The following PRKAR1B variants were observed in gnomAD, a reference collection of about 807,000 sequenced individuals.
The protein encoded by PRKAR1B is protein kinase cAMP-dependent type I regulatory subunit beta.
PRKAR1B carries 22 observed loss-of-function variants against 46.5 expected under a neutral mutation model. The observed-to-expected ratio is 0.47, with a 90% CI of 0.34 to 0.68. PRKAR1B has a LOEUF of 0.68. Ranked by LOEUF, PRKAR1B falls within the 30% of genes least tolerant of loss-of-function variation. PRKAR1B has a pLI of 0.01. For missense variants in PRKAR1B, 445 were observed against 535.6 expected, an observed-to-expected ratio of 0.83 and a Z score of 1.67; for synonymous variants, 259 against 217.7, an observed-to-expected ratio of 1.19 and a Z score of -1.67.
At chr7:657,388 C>CATGGATGGATGGATGG (rs538399335) in intron 4 of PRKAR1B, among the ~76,000 whole-genome samples, 2 of 147,564 alleles carry the variant, frequency 1.4e-5, no homozygotes, top group Non-Finnish European at 3.0e-5. Flanking sequence ...TGAATGTGTG[C>CATGGATGGATGGATGG]ATGGATGGAT....
rs1778384834 is a variant in PRKAR1B, at chr7:677,252, A to T, written c.417T>A (p.Ala139=). The T allele has an allele frequency of 6.2e-7, 1 of 1,614,100 alleles. No individual in the cohort carries two copies. Among genetic ancestry groups the T allele is most frequent in the Non-Finnish European group, 8.5e-7 (1 of 1,180,040 alleles). The change falls in exon 4 of 11, where the codon GCT becomes GCA. Residue 139 remains alanine (A), a synonymous_variant. Transcript: ENST00000537384. ...ACCTCCTCTCGTTGTCATCCAGGTG[A>T]GCGAAGAGCACGTTCTTGGAGATGG... is the stretch of plus-strand genomic sequence containing the variant. ...AKAISKNVLF[A]HLDDNERSDI... is the part of the protein sequence containing the mutation.
intron 1 of PRKAR1B, chr7:726,705 C>T (rs1445598326): frequency 2.4e-6 from 3 of 1,237,390 alleles, no homozygotes; most frequent in South Asian, 3.8e-5. Context: ...CCTTAGTGAC[C>T]GGCGACGCGG....
chr7:628,332 G>A (rs902803210), intron 4 of PRKAR1B, among the ~76,000 whole-genome samples: 6 of 152,258 alleles, frequency 3.9e-5, no homozygotes, highest in African/African-American at 4.8e-5. Flanking sequence ...GAGCCAAGGC[G>A]AAGGCGGGCA....
chr7:570,688 C>A (rs1779454323), intron 9 of PRKAR1B, among the ~76,000 whole-genome samples: 1 of 152,230 alleles, frequency 6.6e-6, no homozygotes, highest in Non-Finnish European at 1.5e-5. Flanking sequence ...CAGCCCCCAA[C>A]TCCGGCCATT....
chr7:684,800 C>T (rs915078701), intron 2 of PRKAR1B, among the ~76,000 whole-genome samples: 6 of 152,018 alleles, frequency 3.9e-5, no homozygotes, highest in African/African-American at 1.2e-4. Context: ...AATCACCAAA[C>T]GTCCATCACC....
intron 2 of PRKAR1B, among the ~76,000 whole-genome samples, chr7:685,140 G>T (rs1778931214): frequency 6.7e-6 from 1 of 148,672 alleles, no homozygotes. Flanking sequence ...CATAACAGTA[G>T]GAAGATACAA....
intron 9 of PRKAR1B, among the ~76,000 whole-genome samples, chr7:553,650 G>T (rs1291133308): frequency 6.6e-6 from 1 of 152,204 alleles, no homozygotes; most frequent in African/African-American, 2.4e-5. Context: ...GGTGGGCTCG[G>T]TTCACCCTGG....
chr7:692,810 C>T (rs1651661532), intron 2 of PRKAR1B, among the ~76,000 whole-genome samples: 1 of 152,130 alleles, frequency 6.6e-6, no homozygotes, highest in African/African-American at 2.4e-5. Context: ...GGGCAAGAGG[C>T]AGGACAGCCC....
chr7:591,417 G>A (rs1457333093), intron 7 of PRKAR1B, among the ~76,000 whole-genome samples: 1 of 152,118 alleles, frequency 6.6e-6, no homozygotes, highest in African/African-American at 2.4e-5. Flanking sequence ...GGGAGGGCGG[G>A]GGCGCTAGAA....
At chr7:695,138 A>G (rs1374475183) in intron 2 of PRKAR1B, among the ~76,000 whole-genome samples, 1 of 152,164 alleles carries the variant, frequency 6.6e-6, no homozygotes, top group African/African-American at 2.4e-5. Context: ...CGCCATATAA[A>G]CTGTCATGAC....
chr7:594,762 A>C (rs1781174549), intron 7 of PRKAR1B, among the ~76,000 whole-genome samples: 1 of 151,170 alleles, frequency 6.6e-6, no homozygotes, highest in African/African-American at 2.4e-5. Flanking sequence ...CCATGAGGGG[A>C]CTCCCCCAGA....
intron 4 of PRKAR1B, among the ~76,000 whole-genome samples, chr7:652,048 G>A (rs112690596): frequency 0.037 from 3,555 of 95,332 alleles, 121 homozygotes; most frequent in South Asian, 0.085. Flanking sequence ...CCCACACAAC[G>A]CTAGGAACCT....
intron 9 of PRKAR1B, among the ~76,000 whole-genome samples, chr7:566,395 ACCACCACTTCCACCATCAT>A (rs1779140442): frequency 2.9e-4 from 1 of 3,504 alleles, no homozygotes; most frequent in Admixed American, 2.6e-3. Context: ...CACCACCATC[ACCACCACTTCCACCATCAT>A]TATCACCATC....
At chr7:584,960 C>G (rs1398583081) in intron 7 of PRKAR1B, among the ~76,000 whole-genome samples, 1 of 152,062 alleles carries the variant, frequency 6.6e-6, no homozygotes, top group Non-Finnish European at 1.5e-5. Flanking sequence ...CACAGAGACT[C>G]AAGCACATGA....
At chr7:726,849 G>T (rs1039124490) in intron 1 of PRKAR1B, 1 of 1,321,126 alleles carries the variant, frequency 7.6e-7, no homozygotes, top group Non-Finnish European at 9.6e-7. Flanking sequence ...CCGACAGCAA[G>T]CCGGGCCGGC....
intron 4 of PRKAR1B, among the ~76,000 whole-genome samples, chr7:659,966 A>G (rs776316760): frequency 1.1e-4 from 16 of 151,898 alleles, no homozygotes; most frequent in Non-Finnish European, 2.4e-4. Flanking sequence ...CTCCCCAGTG[A>G]GCAGAAAATG....
chr7:693,719 CGT>C (rs1275309943), intron 2 of PRKAR1B, among the ~76,000 whole-genome samples: 2 of 152,122 alleles, frequency 1.3e-5, no homozygotes, highest in Non-Finnish European at 2.9e-5. Flanking sequence ...CATGTAGAGG[CGT>C]GTGTTTGAAG....
At chr7:716,329 T>G (rs978439964) in intron 1 of PRKAR1B, among the ~76,000 whole-genome samples, 1 of 151,406 alleles carries the variant, frequency 6.6e-6, no homozygotes, top group Non-Finnish European at 1.5e-5. Flanking sequence ...GTGCTGGGAC[T>G]ACAGGTATGA....
chr7:601,711 G>A (rs1200274818), intron 6 of PRKAR1B, among the ~76,000 whole-genome samples: 7 of 152,198 alleles, frequency 4.6e-5, no homozygotes, highest in South Asian at 2.1e-4. Flanking sequence ...GTGCACAGCC[G>A]CCTGGGACTC....
Sources: allele counts gnomAD v4.1 joint callset (sites outside exome capture counted in the v4.1 genomes callset), GRCh38; gene constraint gnomAD v4.1.1; transcripts MANE v1.5; gene names NCBI Gene and HGNC (gene_info 2026-07-23, HGNC 2026-07-21).